Variants in EXOC4 observed in about 807,000 individuals in gnomAD.
EXOC4 encodes the protein exocyst complex component 4.
Under a neutral mutation model 107.2 loss-of-function variants are expected in EXOC4, and 71 were observed. The observed-to-expected ratio is 0.66, with a 90% confidence interval of 0.55 to 0.81. EXOC4 has a LOEUF of 0.81. EXOC4 is among the 30% of genes least tolerant of loss of function. The pLI, the probability that EXOC4 is intolerant of heterozygous loss-of-function variation, is 0.00. For missense variants in EXOC4, 1,108 were observed against 1,189.6 expected (o/e 0.93, Z 1.01); for synonymous variants, 456 against 441.2 (o/e 1.03, Z -0.42).
At chr7:133,992,289 G>GT (rs59381151) in intron 14 of EXOC4, among the ~76,000 whole-genome samples, 152,069 of 152,204 alleles carry the variant, frequency 1, 75,967 homozygotes, top group Middle Eastern at 1. Flanking sequence ...TGTTTTGTTT[G>GT]TTTGTTTTTT....
chr7:133,339,757 T>G (rs1008051023), intron 5 of EXOC4, among the ~76,000 whole-genome samples: 2 of 152,180 alleles, frequency 1.3e-5, no homozygotes, highest in African/African-American at 4.8e-5. Flanking sequence ...AGCATTTTAT[T>G]TTATTTTTGC....
rs191036389 is a variant in EXOC4, at chr7:133,613,452, G to A, written c.1418-16593G>A. ...TCCATCTCTCCAGTAAATTTCATAC[G>A]GCAGTGAGAAGTGATCTTTGGCAGT... On this transcript the variant is annotated intron_variant, in intron 9 of 17. Transcript: ENST00000253861. Among the ~76,000 whole-genome samples the A allele has an allele frequency of 2.1e-4, 32 of 152,152 alleles. No homozygotes were observed. The East Asian group carries it at 4.8e-3, about 23-fold the overall frequency.
intron 9 of EXOC4, among the ~76,000 whole-genome samples, chr7:133,493,865 A>G (rs1799422369): frequency 6.6e-6 from 1 of 152,190 alleles, no homozygotes; most frequent in Non-Finnish European, 1.5e-5. Context: ...CACCCCAGAG[A>G]TAAATATTAA....
intron 10 of EXOC4, among the ~76,000 whole-genome samples, chr7:133,815,381 A>G (rs1797343360): frequency 6.6e-6 from 1 of 151,792 alleles, no homozygotes; most frequent in Non-Finnish European, 1.5e-5. Flanking sequence ...TCAAAAAAAA[A>G]AAAAAAAAGA....
intron 9 of EXOC4, among the ~76,000 whole-genome samples, chr7:133,626,131 T>A (rs996290381): frequency 3.3e-5 from 5 of 151,926 alleles, no homozygotes; most frequent in African/African-American, 1.2e-4. Context: ...CGCTTGAACC[T>A]GGGAGGCGGA....
At chr7:133,875,841 C>T (rs1020601874) in intron 11 of EXOC4, among the ~76,000 whole-genome samples, 5 of 152,180 alleles carry the variant, frequency 3.3e-5, no homozygotes, top group Admixed American at 6.5e-5. Context: ...TACCATGATA[C>T]ACCTGGCATC....
At chr7:133,617,293 A>G (rs1802216047) in intron 9 of EXOC4, among the ~76,000 whole-genome samples, 1 of 152,172 alleles carries the variant, frequency 6.6e-6, no homozygotes, top group Non-Finnish European at 1.5e-5. Context: ...TTGCACTGGA[A>G]AAACTGAGTG....
chr7:134,084,463 A>G, the EXOC4 span, among the ~76,000 whole-genome samples: 1 of 152,174 alleles, frequency 6.6e-6, no homozygotes, highest in Admixed American at 6.5e-5. Flanking sequence ...GACTAGTGGC[A>G]CTGAGAAACC....
intron 10 of EXOC4, among the ~76,000 whole-genome samples, chr7:133,646,908 A>T (rs143303307): frequency 1.3e-5 from 2 of 152,308 alleles, no homozygotes; most frequent in East Asian, 3.9e-4. Flanking sequence ...CCTTTCCTAA[A>T]CAAGCATGAT....
intron 11 of EXOC4, among the ~76,000 whole-genome samples, chr7:133,842,956 G>T (rs1038044976): frequency 2.6e-5 from 4 of 152,134 alleles, no homozygotes; most frequent in Non-Finnish European, 5.9e-5. Flanking sequence ...TTGTCAGTCA[G>T]ATGGTTGTAG....
At chr7:133,943,117 C>T (rs922726835) in intron 14 of EXOC4, among the ~76,000 whole-genome samples, 14 of 152,196 alleles carry the variant, frequency 9.2e-5, no homozygotes, top group African/African-American at 3.1e-4. Context: ...TTATATTGGA[C>T]AGTATAGGTA....
At chr7:133,653,935 A>G (rs1803224728) in intron 10 of EXOC4, among the ~76,000 whole-genome samples, 1 of 152,210 alleles carries the variant, frequency 6.6e-6, no homozygotes, top group South Asian at 2.1e-4. Context: ...CAAGGTGAAT[A>G]GGACACAAGA....
At chr7:133,944,988 T>C (rs953474724) in intron 14 of EXOC4, among the ~76,000 whole-genome samples, 3 of 152,218 alleles carry the variant, frequency 2.0e-5, no homozygotes, top group African/African-American at 7.2e-5. Flanking sequence ...TAATGTGCAT[T>C]GTTGACTCAA....
the EXOC4 span, among the ~76,000 whole-genome samples, chr7:134,078,369 A>G: frequency 2.0e-5 from 3 of 151,906 alleles, no homozygotes; most frequent in Middle Eastern, 3.4e-3. Flanking sequence ...TCTGCTGTCT[A>G]TAATAATTAA....
intron 9 of EXOC4, among the ~76,000 whole-genome samples, chr7:133,600,317 C>T (rs1801777525): frequency 6.6e-6 from 1 of 152,152 alleles, no homozygotes; most frequent in Admixed American, 6.5e-5. Flanking sequence ...TCTTGGTTTT[C>T]TCACTGGTTG....
intron 10 of EXOC4, among the ~76,000 whole-genome samples, chr7:133,736,784 A>G (rs1034725856): frequency 1.3e-5 from 2 of 152,048 alleles, no homozygotes; most frequent in African/African-American, 4.8e-5. Flanking sequence ...TAGAGTAATG[A>G]TCTTATTTCC....
At chr7:133,565,441 A>G (rs932642058) in intron 9 of EXOC4, among the ~76,000 whole-genome samples, 1 of 152,204 alleles carries the variant, frequency 6.6e-6, no homozygotes, top group Admixed American at 6.5e-5. Context: ...ACTCAAAGGT[A>G]TGGGTTTTTA....
intron 9 of EXOC4, among the ~76,000 whole-genome samples, chr7:133,609,287 G>A (rs1243724127): frequency 1.3e-5 from 2 of 152,100 alleles, no homozygotes; most frequent in Non-Finnish European, 2.9e-5. Flanking sequence ...TTTTATGTGT[G>A]GACTGTTTCC....
the EXOC4 span, among the ~76,000 whole-genome samples, chr7:134,094,170 T>A: frequency 6.6e-6 from 1 of 152,112 alleles, no homozygotes; most frequent in African/African-American, 2.4e-5. Context: ...ATTAATAATC[T>A]GCTAGCTAGG....
Sources: gnomAD v4.1 joint callset for allele counts (sites outside exome capture counted in the v4.1 genomes callset) on GRCh38, gnomAD v4.1.1 for gene constraint, MANE v1.5 for transcripts, NCBI Gene and HGNC (gene_info 2026-07-23, HGNC 2026-07-21) for gene names.